The following KIAA0232 variants were observed in gnomAD, a reference collection of about 807,000 sequenced individuals.
KIAA0232 encodes the protein KIAA0232.
In KIAA0232, 27 loss-of-function variants were observed where a neutral mutation model predicts 122.0. The ratio of observed to expected loss-of-function variants is 0.22; its 90% CI spans 0.16 to 0.31. KIAA0232 has a LOEUF of 0.31. Ranked by LOEUF, KIAA0232 falls within the 10% of genes least tolerant of loss-of-function variation. KIAA0232 has a pLI of 1.00. For missense variants in KIAA0232, 1,551 were observed against 1,634.2 expected (o/e 0.95, Z 0.88); for synonymous variants, 613 against 587.6 (o/e 1.04, Z -0.63).
chr4:6,861,161 G>A lies in KIAA0232; in HGVS notation c.779G>A (p.Ser260Asn), dbSNP rs1342714319. 7 of 1,614,016 alleles carry A rather than the reference G, an allele frequency of 4.3e-6. No individual in the cohort carries two copies. In the East Asian group the frequency reaches 1.6e-4, roughly 36 times the overall value. ...AAAAACGAGAAGGAAAACAAATTTAGTAATGGCACAATTGAAGAAAAGCCT... is the reference window on the plus strand; with the variant it reads ...AAAAACGAGAAGGAAAACAAATTTAATAATGGCACAATTGAAGAAAAGCCT... ...KSKNEKENKF[S>N]NGTIEEKPAL... The change falls in exon 7 of 10, where the codon AGT (serine) becomes AAT (asparagine). Residue 260 changes from serine to asparagine, a missense_variant. Ser to Asn is a conservative substitution (Grantham distance 46). Transcript: ENST00000307659.
chr4:6,871,573 G>C lies in KIAA0232; in HGVS notation c.3802-1G>C, dbSNP rs776957564. The C allele has an allele frequency of 1.3e-6, 2 of 1,554,948 alleles. No individual in the cohort carries two copies. Among genetic ancestry groups the C allele is most frequent in the Non-Finnish European group, 1.8e-6 (2 of 1,130,790 alleles). ...TTCTGTATTTGGTTTAATCTAAACA[G>C]TTCCCTGTATTGAACACTGATATAC... On this transcript the variant is annotated splice_acceptor_variant, in intron 7 of 9. Coordinates refer to ENST00000307659, the MANE Select transcript of KIAA0232 (RefSeq NM_014743.3). LOFTEE classifies it high-confidence loss of function.
At chr4:6,839,555 C>G (rs897697385) in intron 3 of KIAA0232, among the ~76,000 whole-genome samples, 14 of 152,148 alleles carry the variant, frequency 9.2e-5, no homozygotes, top group African/African-American at 3.4e-4. Flanking sequence ...TAGGAATCAC[C>G]TTGAAGGAAG....
rs199536203 is a variant in KIAA0232 at position 6,864,029 on chromosome 4, A to G, written c.3647A>G (p.Asn1216Ser). Reference protein sequence around the residue: ...KQNQCLECSMNESLEIDLESS... With the variant: ...KQNQCLECSMSESLEIDLESS... ...AATCAGTGTTTGGAATGTAGCATGAATGAATCCCTGGAAATAGATTTAGAA... is the reference window on the plus strand; with the variant it reads ...AATCAGTGTTTGGAATGTAGCATGAGTGAATCCCTGGAAATAGATTTAGAA... Residue 1216 changes from asparagine to serine, a missense_variant, in exon 7 of 10, where the codon AAT (asparagine) becomes AGT (serine). Transcript: ENST00000307659. 8 of 1,614,200 alleles carry G rather than the reference A, an allele frequency of 5.0e-6. No individual in the cohort carries two copies. The highest frequency in any genetic ancestry group is 6.8e-6 in the Non-Finnish European group (8 of 1,180,024).
At chr4:6,857,270 C>T (rs1720616280) in intron 5 of KIAA0232, 40 bp downstream of exon 5, 13 of 1,531,602 alleles carry the variant, frequency 8.5e-6, no homozygotes, top group Non-Finnish European at 1.1e-5. Context: ...GCCAGGATTA[C>T]ATCCCTGAGG....
intron 3 of KIAA0232, among the ~76,000 whole-genome samples, chr4:6,838,297 T>C (rs746502737): frequency 6.6e-5 from 10 of 151,558 alleles, no homozygotes; most frequent in Non-Finnish European, 1.0e-4. Context: ...CAAGCAATTC[T>C]CCCACCTCAG....
intron 1 of KIAA0232, among the ~76,000 whole-genome samples, chr4:6,792,697 T>TG (rs1311488999): frequency 8.1e-4 from 116 of 142,600 alleles, no homozygotes; most frequent in South Asian, 2.5e-3. Flanking sequence ...TTTTTTTTGT[T>TG]TTTTTTTTTT....
intron 7 of KIAA0232, among the ~76,000 whole-genome samples, chr4:6,870,798 T>A (rs1262658419): frequency 1.4e-5 from 1 of 70,630 alleles, no homozygotes. Context: ...TGAGACTCTG[T>A]CTTGGAAAAA....
At chr4:6,789,560 C>T (rs1716793015) in intron 1 of KIAA0232, among the ~76,000 whole-genome samples, 1 of 152,160 alleles carries the variant, frequency 6.6e-6, no homozygotes, top group African/African-American at 2.4e-5. Flanking sequence ...GTGTGAGCCA[C>T]CGTGCCTGGC....
chr4:6,812,542 C>T (rs1717925079), intron 2 of KIAA0232, among the ~76,000 whole-genome samples: 1 of 152,136 alleles, frequency 6.6e-6, no homozygotes, highest in Non-Finnish European at 1.5e-5. Flanking sequence ...TTAATAAGCA[C>T]ACCAAAATAC....
Position 6,875,234 on chromosome 4 carries a change from A to G in KIAA0232, c.3911-1426A>G, listed in dbSNP as rs533156241. On this transcript the variant is annotated intron_variant, in intron 8 of 9. Transcript: ENST00000307659. ...CATGGGTGCAATGTGTGTGCCCGGC[A>G]CTGTGCTTGAGGCTTCACCTCTTTG... is the stretch of plus-strand genomic sequence containing the variant. Among the ~76,000 whole-genome samples the G allele has an allele frequency of 3.3e-5, 5 of 152,252 alleles. No individual in the cohort carries two copies. The East Asian group carries it at 9.6e-4, about 29-fold the overall frequency.
chr4:6,803,560 A>G (rs1577359854), intron 1 of KIAA0232, among the ~76,000 whole-genome samples: 1 of 152,204 alleles, frequency 6.6e-6, no homozygotes, highest in Non-Finnish European at 1.5e-5. Context: ...AATTTCAAGT[A>G]TAGTAATTTC....
chr4:6,857,369 C>A, intron 5 of KIAA0232, 139 bp downstream of exon 5: 1 of 586,972 alleles, frequency 1.7e-6, no homozygotes, highest in Non-Finnish European at 2.8e-6. Flanking sequence ...ACTAGGCCAG[C>A]CTCATGCTCC....
At chr4:6,817,438 A>G (rs1365868018) in intron 2 of KIAA0232, among the ~76,000 whole-genome samples, 1 of 152,040 alleles carries the variant, frequency 6.6e-6, no homozygotes, top group Non-Finnish European at 1.5e-5. Flanking sequence ...GATGGTCTCG[A>G]TCTCCTGACC....
At position 6,860,935 on chromosome 4, in the gene KIAA0232, C is replaced by G; in HGVS notation, c.553C>G (p.Pro185Ala). The G allele has an allele frequency of 6.2e-7, 1 of 1,613,898 alleles. No homozygotes were observed. Among genetic ancestry groups the G allele is most frequent in the Non-Finnish European group, 8.5e-7 (1 of 1,179,918 alleles). ...AGCATTTCCACCACTTTCTGAGAAACCAGTTTGCCTGCAAGAAATCATGAC... is the reference window on the plus strand; with the variant it reads ...AGCATTTCCACCACTTTCTGAGAAAGCAGTTTGCCTGCAAGAAATCATGAC... Reference protein sequence around the residue: ...YEAFPPLSEKPVCLQEIMTVW... With the variant: ...YEAFPPLSEKAVCLQEIMTVW... Residue 185 changes from proline (P) to alanine (A), a missense_variant, in exon 7 of 10, where the codon CCA becomes GCA. Physicochemically the swap from Pro to Ala is conservative, Grantham distance 27 (BLOSUM62 -1). This residue lies in a region of KIAA0232 where 377 missense variants were observed against 381.7 expected (regional missense o/e 0.99). Transcript: ENST00000307659.
chr4:6,808,119 A>G (rs1338447545), intron 2 of KIAA0232, among the ~76,000 whole-genome samples: 1 of 152,140 alleles, frequency 6.6e-6, no homozygotes, highest in Non-Finnish European at 1.5e-5. Context: ...ATGTATAACT[A>G]CTTAATTGTA....
In KIAA0232 at chr4:6,863,978, C is replaced by G. The variant is rs372702736; in HGVS notation, c.3596C>G (p.Thr1199Ser). The G allele has an allele frequency of 6.2e-7, 1 of 1,614,028 alleles. No individual in the cohort carries two copies. The highest frequency in any genetic ancestry group is 1.3e-5 in the African/African-American group (1 of 75,042). ...TCACTGGATTCCCAGGAGGAATCAA[C>G]TGGGATTCTTTCAGTAGGAAAGCAA... ...QTSLDSQEES[T>S]GILSVGKQNQ... The change falls in exon 7 of 10, where the codon ACT (threonine) becomes AGT (serine). Residue 1199 changes from threonine (T) to serine (S), a missense_variant. Transcript: ENST00000307659.
intron 1 of KIAA0232, among the ~76,000 whole-genome samples, chr4:6,792,089 G>A (rs1317989997): frequency 1.3e-5 from 2 of 152,150 alleles, no homozygotes; most frequent in African/African-American, 4.8e-5. Context: ...CAGCCACGTG[G>A]AACTGTAAGT....
At chr4:6,872,263 A>G (rs1002022183) in intron 8 of KIAA0232, among the ~76,000 whole-genome samples, 3 of 152,226 alleles carry the variant, frequency 2.0e-5, no homozygotes, top group Non-Finnish European at 1.5e-5. Context: ...CAGGGTTTTA[A>G]GCCCTTGCAG....
intron 3 of KIAA0232, among the ~76,000 whole-genome samples, chr4:6,827,670 G>A (rs748097722): frequency 5.9e-5 from 9 of 152,154 alleles, no homozygotes; most frequent in Non-Finnish European, 1.0e-4. Flanking sequence ...CATCAGTTTG[G>A]TCTCAGTTGT....
Sources: gnomAD v4.1 joint callset for allele counts (sites outside exome capture counted in the v4.1 genomes callset) on GRCh38, gnomAD v4.1.1 for gene constraint, gnomAD v4.1.1 regional missense constraint, MANE v1.5 for transcripts, NCBI Gene and HGNC (gene_info 2026-07-23, HGNC 2026-07-21) for gene names.